Variants in STAT3 observed in about 807,000 individuals in gnomAD.
STAT3 encodes the protein DNA-binding protein APRF.
Under a neutral mutation model 114.3 loss-of-function variants are expected in STAT3, and 7 were observed. The ratio of observed to expected loss-of-function variants is 0.06; its 90% CI spans 0.03 to 0.11. STAT3 has a LOEUF of 0.11. Among genes scored for constraint, STAT3 ranks in the 10% least tolerant of loss-of-function variants. STAT3 has a pLI of 1.00. For missense variants in STAT3, 364 were observed against 960.9 expected (o/e 0.38, Z 8.21); for synonymous variants, 331 against 354.5 (o/e 0.93, Z 0.74).
At position 42,324,577 on chromosome 17, in the gene STAT3, G is replaced by T; in HGVS notation, c.1600+134C>A. ...AACTCCCCAACTCCCCTGTTTCCTG[G>T]CACCAGCACAGCGCCTTGCTCAGGA... On this transcript the variant is annotated intron_variant, in intron 17 of 23. Coordinates refer to ENST00000264657, the MANE Select transcript of STAT3 (RefSeq NM_139276.3). The surrounding 1 kb of genome is among the most constrained non-coding windows in gnomAD (Gnocchi z 4.5). The T allele has an allele frequency of 7.7e-7, 1 of 1,297,794 alleles. No individual in the cohort carries two copies. The highest frequency in any genetic ancestry group is 1.1e-6 in the Non-Finnish European group (1 of 943,560). The allele number at this position is 1,297,794 out of a possible 1,614,324, so 80.4% of individuals were successfully genotyped here. A position where few individuals can be genotyped will look rare whatever the true frequency, so the allele number is the denominator to read the frequency against.
intron 1 of STAT3, among the ~76,000 whole-genome samples, chr17:42,364,323 A>T (rs1241289381): frequency 6.6e-6 from 1 of 152,198 alleles, no homozygotes; most frequent in African/African-American, 2.4e-5. Context: ...CCTTCATAGG[A>T]GTCAGAAACA....
rs1321199186 is a variant in STAT3, at chr17:42,313,921, G to A, written c.*1824C>T. On this transcript the variant is annotated 3_prime_UTR_variant, in exon 24 of 24. Transcript: ENST00000264657. Reference sequence around the variant, plus strand: ...AGAAGGTCGTCTCCCCCTTAATTCAGAGACCAGCTAATTTGATTTAACAAA... The same window carrying A: ...AGAAGGTCGTCTCCCCCTTAATTCAAAGACCAGCTAATTTGATTTAACAAA... 1 of 232,330 alleles carries A rather than the reference G, an allele frequency of 4.3e-6. No individual in the cohort carries two copies. The highest frequency in any genetic ancestry group is 2.2e-5 in the African/African-American group (1 of 45,388). 14.4% of individuals were successfully genotyped at this position (232,330 alleles called of 1,614,324 possible).
At chr17:42,316,489 G>T in intron 23 of STAT3, 1 of 590,322 alleles carries the variant, frequency 1.7e-6, no homozygotes, top group Non-Finnish European at 2.9e-6. Context: ...AAAGTGCTGG[G>T]ATTACAGGCA....
At chr17:42,323,229 G>A (rs918651889) in intron 19 of STAT3, 31 bp downstream of exon 19, 35 of 1,613,962 alleles carry the variant, frequency 2.2e-5, no homozygotes, top group Non-Finnish European at 2.4e-5. Context: ...AGGGGACTTG[G>A]TTACATCTGT....
chr17:42,348,649 G>A, intron 1 of STAT3, 110 bp from the exon 2 acceptor site: 4 of 1,229,474 alleles, frequency 3.3e-6, no homozygotes, highest in Non-Finnish European at 4.7e-6. Context: ...GGATAAAGAT[G>A]CTCTGGGGAG....
Position 42,315,759 on chromosome 17 carries a change from T to G in STAT3, c.2299A>C (p.Thr767Pro). The change falls in exon 24 of 24, where the codon ACC becomes CCC. Residue 767 changes from threonine to proline, a missense_variant. By Grantham distance (38) the Thr-to-Pro change is conservative. Around this residue, in one of 5 missense-constraint regions of STAT3, gnomAD observed 37 missense variants for 66.5 expected, o/e 0.56. Transcript: ENST00000264657. Reference protein sequence around the residue: ...FDMELTSECATSPM With the variant: ...FDMELTSECAPSPM ...TTCTCAGCTCCTCACATGGGGGAGG[T>G]AGCGCACTCCGAGGTCAACTCCATG... 1 of 1,613,604 alleles carries G rather than the reference T, an allele frequency of 6.2e-7. No individual in the cohort carries two copies.
intron 1 of STAT3, among the ~76,000 whole-genome samples, chr17:42,350,439 C>T (rs925180858): frequency 6.6e-6 from 1 of 152,086 alleles, no homozygotes; most frequent in African/African-American, 2.4e-5. Context: ...CATTGCTGCA[C>T]CTGGCTAATT....
chr17:42,376,255 C>A (rs2084451861), intron 1 of STAT3, among the ~76,000 whole-genome samples: 1 of 152,054 alleles, frequency 6.6e-6, no homozygotes, highest in Non-Finnish European at 1.5e-5. Flanking sequence ...AAGCAACTGA[C>A]AATATTTGTT....
At chr17:42,371,501 G>A (rs1270930015) in intron 1 of STAT3, among the ~76,000 whole-genome samples, 6 of 148,278 alleles carry the variant, frequency 4.0e-5, no homozygotes, top group African/African-American at 2.5e-5. Context: ...GAGAAACCTC[G>A]TCTCTAATTA....
intron 3 of STAT3, among the ~76,000 whole-genome samples, chr17:42,346,177 C>T (rs749091136): frequency 6.6e-6 from 1 of 152,154 alleles, no homozygotes; most frequent in Non-Finnish European, 1.5e-5. Flanking sequence ...CCATGCCTGG[C>T]CTTGTCTGAG....
chr17:42,345,726 C>G, intron 3 of STAT3, 69 bp from the exon 4 acceptor site: 1 of 1,337,874 alleles, frequency 7.5e-7, no homozygotes, highest in Non-Finnish European at 1.0e-6. Flanking sequence ...AACTGTGGCA[C>G]CTTAAAACTA....
chr17:42,318,073 C>T (rs2081321645), intron 21 of STAT3, among the ~76,000 whole-genome samples: 1 of 152,128 alleles, frequency 6.6e-6, no homozygotes, highest in South Asian at 2.1e-4. Context: ...CTGCCTTAGG[C>T]TCCCAAGCAG....
intron 1 of STAT3, among the ~76,000 whole-genome samples, chr17:42,381,459 C>T (rs2084790218): frequency 6.6e-6 from 1 of 152,126 alleles, no homozygotes; most frequent in Non-Finnish European, 1.5e-5. Context: ...GGCGTGCTGG[C>T]TCACGCCTGT....
chr17:42,338,611 C>G, intron 6 of STAT3, 120 bp downstream of exon 6: 1 of 914,638 alleles, frequency 1.1e-6, no homozygotes, highest in South Asian at 1.4e-5. Context: ...TTTGAGGACC[C>G]GTACCTCCCT....
At chr17:42,357,345 C>T (rs1356569845) in intron 1 of STAT3, among the ~76,000 whole-genome samples, 1 of 152,058 alleles carries the variant, frequency 6.6e-6, no homozygotes. Flanking sequence ...AAATTTTCAC[C>T]ACAGGATAAA....
chr17:42,338,653 G>A, intron 6 of STAT3, 78 bp downstream of exon 6: 1 of 1,416,154 alleles, frequency 7.1e-7, no homozygotes. Context: ...TCTAAACAGA[G>A]TTAAGACAAA....
At chr17:42,339,185 G>C (rs1010413283) in intron 5 of STAT3, 129 bp downstream of exon 5, 3 of 871,734 alleles carry the variant, frequency 3.4e-6, no homozygotes, top group Non-Finnish European at 1.8e-6. Context: ...GGGCCTGAGA[G>C]GTCGAGGCTG....
At chr17:42,342,169 A>C (rs16967689) in intron 4 of STAT3, among the ~76,000 whole-genome samples, 1,592 of 152,250 alleles carry the variant, frequency 0.01, 39 homozygotes, top group African/African-American at 0.033. Context: ...ACACCTGAGC[A>C]TATCAGTTTT....
chr17:42,330,346 C>T (rs570368699), intron 11 of STAT3, among the ~76,000 whole-genome samples: 1 of 152,136 alleles, frequency 6.6e-6, no homozygotes, highest in South Asian at 2.1e-4. Context: ...GAACTCTCGA[C>T]CTCAGGTGAT....
Sources: allele counts gnomAD v4.1 joint callset (sites outside exome capture counted in the v4.1 genomes callset), GRCh38; gene constraint gnomAD v4.1.1; regional missense constraint gnomAD v4.1.1; non-coding constraint Gnocchi (gnomAD v3.1); transcripts MANE v1.5; gene names NCBI Gene and HGNC (gene_info 2026-07-23, HGNC 2026-07-21).